The following SNX11 variants were observed in gnomAD, a reference collection of about 807,000 sequenced individuals.
SNX11 encodes sorting nexin-11.
SNX11 carries 19 observed loss-of-function variants against 30.7 expected under a neutral mutation model. That is an observed-to-expected ratio of 0.62 (90% CI 0.43 to 0.91). The LOEUF is 0.91. Ranked by LOEUF, SNX11 falls within the 40% of genes least tolerant of loss-of-function variation. The pLI, the probability that SNX11 is intolerant of heterozygous loss-of-function variation, is 0.00. For missense variants in SNX11, 302 were observed against 326.7 expected, an observed-to-expected ratio of 0.92 and a Z score of 0.58; for synonymous variants, 112 against 119.0, an observed-to-expected ratio of 0.94 and a Z score of 0.38.
intron 1 of SNX11, chr17:48,111,242 G>T (rs780745147): frequency 1.7e-5 from 7 of 420,912 alleles, no homozygotes; most frequent in African/African-American, 1.5e-4. Context: ...ATTCACCTGT[G>T]GGGAGTTGAC....
intron 2 of SNX11, 71 bp downstream of exon 2, chr17:48,112,156 GA>G (rs758550500): frequency 7.5e-7 from 1 of 1,333,926 alleles, no homozygotes; most frequent in Middle Eastern, 1.8e-4. Context: ...AGAGGACATA[GA>G]GATGCAAATC....
chr17:48,119,515 G>T (rs1343797946), intron 6 of SNX11, among the ~76,000 whole-genome samples: 1 of 152,152 alleles, frequency 6.6e-6, no homozygotes, highest in Non-Finnish European at 1.5e-5. Flanking sequence ...GCAGTGGCGT[G>T]ATCTCGGCTC....
intron 4 of SNX11, among the ~76,000 whole-genome samples, chr17:48,114,361 C>T (rs975447425): frequency 6.6e-6 from 1 of 151,738 alleles, no homozygotes; most frequent in African/African-American, 2.4e-5. Context: ...CCATGTTGGT[C>T]AGGCTGGTCT....
At chr17:48,115,391 G>C (rs967978420) in intron 4 of SNX11, among the ~76,000 whole-genome samples, 2 of 152,140 alleles carry the variant, frequency 1.3e-5, no homozygotes, top group Admixed American at 6.5e-5. Flanking sequence ...ATATTTTCAA[G>C]TCAGTGAAAA....
chr17:48,112,335 T>G (rs2063500265), intron 2 of SNX11: 2 of 626,472 alleles, frequency 3.2e-6, no homozygotes. Context: ...GGGCAGGCAC[T>G]TACGTCTCTT....
In SNX11 at chr17:48,113,313, G is replaced by A. The variant is rs1033623192; in HGVS notation, c.142G>A (p.Ala48Thr). The change falls in exon 4 of 7, where the codon GCC (alanine) becomes ACC (threonine). Residue 48 changes from alanine (A) to threonine (T), a missense_variant. Transcript: ENST00000359238. ...CTTTCATGTATAGACCAACAGCAAA[G>A]CCTTTACTGCCAAGACTTCCTGTGT... ...YKIFLHTNSK[A>T]FTAKTSCVRR... The A allele has an allele frequency of 1.2e-6, 2 of 1,613,396 alleles. No homozygotes were observed. Among genetic ancestry groups the A allele is most frequent in the Non-Finnish European group, 1.7e-6 (2 of 1,179,578 alleles).
rs1567782585 is a variant in SNX11, at chr17:48,123,218, ACTCCATG to A, written c.*1711_*1717del. On this transcript the variant is annotated 3_prime_UTR_variant, in exon 7 of 7. Coordinates refer to ENST00000359238, the MANE Select transcript of SNX11 (RefSeq NM_013323.3). ...GAAGTTCATTTAAAAGGGGAAAAAA[ACTCCATG>A]TGCAACCCTCACAAAAACCCGACAG... 6.6e-6 allele frequency: 1 copy of A among 152,082 alleles called. No homozygotes were observed. Among genetic ancestry groups the A allele is most frequent in the Admixed American group, 6.6e-5 (1 of 15,236 alleles). 9.4% of individuals were successfully genotyped at this position (152,082 alleles called of 1,614,324 possible).
intron 4 of SNX11, among the ~76,000 whole-genome samples, chr17:48,115,064 CTTTT>C (rs1239738711): frequency 8.1e-6 from 1 of 123,194 alleles, no homozygotes; most frequent in Non-Finnish European, 1.8e-5. Context: ...CGCCTTTTTT[CTTTT>C]TTTTTTTTTT....
At chr17:48,114,601 G>GAACC (rs1160613012) in intron 4 of SNX11, among the ~76,000 whole-genome samples, 1 of 151,466 alleles carries the variant, frequency 6.6e-6, no homozygotes. Context: ...GAATTACAGG[G>GAACC]GGTTACCACC....
intron 1 of SNX11, among the ~76,000 whole-genome samples, chr17:48,110,357 C>G (rs953840559): frequency 6.6e-6 from 1 of 152,174 alleles, no homozygotes; most frequent in African/African-American, 2.4e-5. Flanking sequence ...TAGGTTTGCT[C>G]AATATTGTGT....
intron 4 of SNX11, 147 bp downstream of exon 4, chr17:48,113,548 G>GTTTT: frequency 1.4e-5 from 6 of 428,644 alleles, no homozygotes; most frequent in East Asian, 4.1e-5. Context: ...TGTTTTTTGG[G>GTTTT]TTTTTTTTTT....
At chr17:48,108,774 A>C (rs1156836729) in intron 1 of SNX11, among the ~76,000 whole-genome samples, 1 of 152,210 alleles carries the variant, frequency 6.6e-6, no homozygotes, top group African/African-American at 2.4e-5. Flanking sequence ...TCCATCTCCC[A>C]GATCAGAGAA....
At position 48,123,316 on chromosome 17, in the gene SNX11, A is replaced by G. The variant is rs936216265; in HGVS notation, c.*1808A>G. 6.6e-6 allele frequency among the ~76,000 whole-genome samples: 1 copy of G among 152,158 alleles called. No individual in the cohort carries two copies. Among genetic ancestry groups the G allele is most frequent in the African/African-American group, 2.4e-5 (1 of 41,438 alleles). Reference sequence around the variant, plus strand: ...TGGCTCATGAATATTAATGAGCCCAATGCTCCAAATGGTGCAGCTGTGAAC... The same window carrying G: ...TGGCTCATGAATATTAATGAGCCCAGTGCTCCAAATGGTGCAGCTGTGAAC... On this transcript the variant is annotated 3_prime_UTR_variant, in exon 7 of 7. Coordinates refer to ENST00000359238, the MANE Select transcript of SNX11 (RefSeq NM_013323.3).
chr17:48,118,958 C>T lies in SNX11; in HGVS notation c.327-16C>T, dbSNP rs1407568306. The T allele has an allele frequency of 1.2e-6, 2 of 1,612,544 alleles. No individual in the cohort carries two copies. Among genetic ancestry groups the T allele is most frequent in the Admixed American group, 1.7e-5 (1 of 59,998 alleles). On this transcript the variant is annotated splice_polypyrimidine_tract_variant and intron_variant, in intron 5 of 6. Coordinates refer to ENST00000359238, the MANE Select transcript of SNX11 (RefSeq NM_013323.3). ...CAGGGTGATGCTCTGTGTTGTGCTACCTGTGTTTTTCCCAGGGTCCTGCAG... is the reference window on the plus strand; with the variant it reads ...CAGGGTGATGCTCTGTGTTGTGCTATCTGTGTTTTTCCCAGGGTCCTGCAG...
At chr17:48,120,542 C>T (rs2063588785) in intron 6 of SNX11, among the ~76,000 whole-genome samples, 1 of 102,280 alleles carries the variant, frequency 9.8e-6, no homozygotes, top group Admixed American at 1.5e-4. Context: ...TGGAGTCTTG[C>T]TCTGTTGCCC....
In SNX11 at chr17:48,116,511, G is replaced by A. The variant is rs891355778; in HGVS notation, c.231-2193G>A. ...TGGGATTACAGTTGTGAGCCACTGCGTCCCACTCCAGTTTCTTCCTTTTTA... is the reference window on the plus strand; with the variant it reads ...TGGGATTACAGTTGTGAGCCACTGCATCCCACTCCAGTTTCTTCCTTTTTA... On this transcript the variant is annotated intron_variant, in intron 4 of 6. Coordinates refer to ENST00000359238, the MANE Select transcript of SNX11 (RefSeq NM_013323.3). Among the ~76,000 whole-genome samples the A allele has an allele frequency of 7.2e-5, 11 of 151,842 alleles. No individual in the cohort carries two copies. The East Asian group carries it at 7.7e-4, about 11-fold the overall frequency.
At chr17:48,118,618 T>C in intron 4 of SNX11, 86 bp from the exon 5 acceptor site, 1 of 984,374 alleles carries the variant, frequency 1.0e-6, no homozygotes, top group Non-Finnish European at 1.6e-6. Flanking sequence ...TTAGACCTCT[T>C]TTTAAGGGAT....
chr17:48,121,211 T>G lies in SNX11; in HGVS notation c.540-24T>G, dbSNP rs200466749. 170 of 1,613,064 alleles carry G rather than the reference T, an allele frequency of 1.1e-4. No homozygotes were observed. The African/African-American group carries it at 2.0e-3, about 19-fold the overall frequency. On this transcript the variant is annotated intron_variant, in intron 6 of 6. Transcript: ENST00000359238. Reference sequence around the variant, plus strand: ...TTACCCAAGCTGTTCATACCTTTCTTTTCCCTTTCCCACTCTTTTCCAGTT... The same window carrying G: ...TTACCCAAGCTGTTCATACCTTTCTGTTCCCTTTCCCACTCTTTTCCAGTT...
At chr17:48,118,576 TCA>T in intron 4 of SNX11, 126 bp from the exon 5 acceptor site, 1 of 565,376 alleles carries the variant, frequency 1.8e-6, no homozygotes, top group South Asian at 2.3e-5. Flanking sequence ...AGACTCCATC[TCA>T]AAAAAAAAAA....
Sources: allele counts gnomAD v4.1 joint callset (sites outside exome capture counted in the v4.1 genomes callset), GRCh38; gene constraint gnomAD v4.1.1; transcripts MANE v1.5; gene names NCBI Gene and HGNC (gene_info 2026-07-23, HGNC 2026-07-21).